Variants in TOGARAM1 observed in about 807,000 individuals in gnomAD.
TOGARAM1 encodes TOG array regulator of axonemal microtubules 1, also known as TOG array regulator of axonemal microtubules protein 1.
In TOGARAM1, 100 loss-of-function variants were observed where a neutral mutation model predicts 166.6. The observed-to-expected ratio is 0.60, with a 90% confidence interval of 0.51 to 0.71. TOGARAM1 has a LOEUF of 0.71. Among genes scored for constraint, TOGARAM1 ranks in the 30% least tolerant of loss-of-function variants. The pLI, the probability that TOGARAM1 is intolerant of heterozygous loss-of-function variation, is 0.00. For synonymous variants in TOGARAM1, 758 were observed against 763.8 expected (o/e 0.99, Z 0.13); for missense variants, 2,029 against 2,102.7 (o/e 0.96, Z 0.69).
At chr14:44,983,345 A>G (rs1207804141) in intron 1 of TOGARAM1, among the ~76,000 whole-genome samples, 3 of 152,244 alleles carry the variant, frequency 2.0e-5, no homozygotes, top group African/African-American at 4.8e-5. Context: ...TTGAGGTAGC[A>G]GGAAAGGGTG....
intron 11 of TOGARAM1, among the ~76,000 whole-genome samples, chr14:45,041,504 C>G (rs928374266): frequency 6.6e-6 from 1 of 152,196 alleles, no homozygotes; most frequent in African/African-American, 2.4e-5. Flanking sequence ...GCTTCTAGAA[C>G]GTTGAATAAG....
intron 1 of TOGARAM1, among the ~76,000 whole-genome samples, chr14:44,994,668 C>T (rs1887331388): frequency 6.6e-6 from 1 of 152,180 alleles, no homozygotes; most frequent in African/African-American, 2.4e-5. Context: ...ATCCACCTGC[C>T]TCTGCCTTCC....
chr14:45,021,627 G>C (rs1349263131), intron 7 of TOGARAM1, among the ~76,000 whole-genome samples: 2 of 151,942 alleles, frequency 1.3e-5, no homozygotes, highest in Non-Finnish European at 2.9e-5. Flanking sequence ...CAGTAGCCAG[G>C]GTTTGACTCG....
chr14:44,994,859 T>G, intron 1 of TOGARAM1, among the ~76,000 whole-genome samples: 1 of 152,252 alleles, frequency 6.6e-6, no homozygotes, highest in East Asian at 1.9e-4. Context: ...TTTTGCCATT[T>G]GATAATTGGC....
chr14:45,074,225 A>G lies in TOGARAM1; in HGVS notation c.*664A>G, dbSNP rs1883507592. On this transcript the variant is annotated 3_prime_UTR_variant, in exon 20 of 20. Coordinates refer to ENST00000361462, the MANE Select transcript of TOGARAM1 (RefSeq NM_001308120.2). Reference sequence around the variant, plus strand: ...ACGTTTAAAAAACGTGTTGAATGTAACCCCCCTATTTTTGTGTGCAAACAC... The same window carrying G: ...ACGTTTAAAAAACGTGTTGAATGTAGCCCCCCTATTTTTGTGTGCAAACAC... 3 of 152,536 alleles carry G rather than the reference A, an allele frequency of 2.0e-5. No homozygotes were observed. The highest frequency in any genetic ancestry group is 2.0e-4 in the Admixed American group (3 of 15,268). 9.4% of individuals were successfully genotyped at this position (152,536 alleles called of 1,614,324 possible). A position where few individuals can be genotyped will look rare whatever the true frequency, so the allele number is the denominator to read the frequency against.
At chr14:45,011,843 A>T in intron 6 of TOGARAM1, 132 bp from the exon 7 acceptor site, 1 of 564,310 alleles carries the variant, frequency 1.8e-6, no homozygotes, top group African/African-American at 1.9e-5. Flanking sequence ...ATAGTTTTTC[A>T]AGTGTCATAC....
In TOGARAM1 at chr14:44,999,358, A is replaced by C; in HGVS notation, c.2204-5A>C. The C allele has an allele frequency of 6.5e-7, 1 of 1,548,494 alleles. No homozygotes were observed. Among genetic ancestry groups the C allele is most frequent in the African/African-American group, 1.4e-5 (1 of 73,092 alleles). On this transcript the variant is annotated splice_polypyrimidine_tract_variant and splice_region_variant and intron_variant, in intron 2 of 19. Coordinates refer to ENST00000361462, the MANE Select transcript of TOGARAM1 (RefSeq NM_001308120.2). ...TTATGTTTTCTCCCTTCCTTTCTTC[A>C]AAAGGTACTACTGGGACTCATCAAA... is the stretch of plus-strand genomic sequence containing the variant.
chr14:45,048,124 C>T (rs571871135), intron 14 of TOGARAM1, among the ~76,000 whole-genome samples: 8 of 148,848 alleles, frequency 5.4e-5, no homozygotes, highest in African/African-American at 1.7e-4. Context: ...GAGGCTGAGG[C>T]GGGCGGCTCA....
At chr14:44,972,803 C>T (rs1377200126) in intron 1 of TOGARAM1, among the ~76,000 whole-genome samples, 1 of 152,030 alleles carries the variant, frequency 6.6e-6, no homozygotes. Flanking sequence ...ATAGTAATTA[C>T]TCATTTAAGT....
chr14:44,979,253 A>G (rs758993334), intron 1 of TOGARAM1, among the ~76,000 whole-genome samples: 2 of 152,266 alleles, frequency 1.3e-5, no homozygotes, highest in Admixed American at 1.3e-4. Context: ...TAGACTGGGT[A>G]ATTTATAAAC....
rs760739679 is a variant in TOGARAM1, at chr14:44,995,839, T to C, written c.2140T>C (p.Ser714Pro). 1 of 1,610,472 alleles carries C rather than the reference T, an allele frequency of 6.2e-7. No homozygotes were observed. The highest frequency in any genetic ancestry group is 1.1e-5 in the South Asian group (1 of 90,012). The change falls in exon 2 of 20, where the codon TCA becomes CCA. Residue 714 changes from serine to proline, a missense_variant. Coordinates refer to ENST00000361462, the MANE Select transcript of TOGARAM1 (RefSeq NM_001308120.2). ...TTTATGTTTTAGCAGAAAAAGAGTA[T>C]CAAGAAACTTATTTCAGAATAGTCG... ...DDLCFSRKRV[S>P]RNLFQNSRDF...
At chr14:45,059,913 ATTT>A (rs1210596745) in intron 16 of TOGARAM1, among the ~76,000 whole-genome samples, 3 of 138,514 alleles carry the variant, frequency 2.2e-5, no homozygotes, top group Non-Finnish European at 1.6e-5. Context: ...TAGAAATGCA[ATTT>A]TTTTTTTTTT....
chr14:44,969,105 C>G (rs1885722176), intron 1 of TOGARAM1, among the ~76,000 whole-genome samples: 1 of 140,380 alleles, frequency 7.1e-6, no homozygotes, highest in Admixed American at 7.2e-5. Context: ...TCATTTCTTT[C>G]TTTCTTTCCT....
At chr14:44,990,739 A>G (rs1038548190) in intron 1 of TOGARAM1, among the ~76,000 whole-genome samples, 1 of 152,078 alleles carries the variant, frequency 6.6e-6, no homozygotes, top group Non-Finnish European at 1.5e-5. Context: ...TGGTTAGCTG[A>G]CGGCTACAGA....
intron 16 of TOGARAM1, among the ~76,000 whole-genome samples, chr14:45,060,349 G>A (rs963843359): frequency 1.3e-5 from 2 of 151,744 alleles, no homozygotes; most frequent in East Asian, 1.9e-4. Context: ...CTAAGTAGCC[G>A]GGACTACAGG....
intron 1 of TOGARAM1, among the ~76,000 whole-genome samples, chr14:44,994,674 C>T (rs1158528367): frequency 6.6e-6 from 1 of 152,182 alleles, no homozygotes; most frequent in Admixed American, 6.5e-5. Context: ...CTGCCTCTGC[C>T]TTCCAAAGTG....
rs577457573 is a variant in TOGARAM1 at position 44,964,203 on chromosome 14, ATCT to A, written c.1786_1788del (p.Ser596del). Reference sequence around the variant, plus strand: ...TTGTGGAATATGCAGTACTGATGCCATCTTCTGCCGGGGGTAGGTCAAACCATT... The same window carrying A: ...TTGTGGAATATGCAGTACTGATGCCATCTGCCGGGGGTAGGTCAAACCATT... On this transcript the variant is annotated inframe_deletion, in exon 1 of 20. Transcript: ENST00000361462. 3.6e-4 allele frequency: 576 copies of A among 1,614,196 alleles called. 13 individuals carry two copies. In the South Asian group the frequency reaches 6.0e-3, roughly 17 times the overall value.
intron 10 of TOGARAM1, among the ~76,000 whole-genome samples, chr14:45,029,192 A>G (rs748914822): frequency 6.6e-6 from 1 of 152,178 alleles, no homozygotes; most frequent in Non-Finnish European, 1.5e-5. Flanking sequence ...AACCCATTAA[A>G]TGTAGGTGTT....
rs767783497 is a variant in TOGARAM1 at position 44,963,307 on chromosome 14, A to T, written c.886A>T (p.Ile296Phe). 2 of 1,614,054 alleles carry T rather than the reference A, an allele frequency of 1.2e-6. No individual in the cohort carries two copies. The highest frequency in any genetic ancestry group is 2.2e-5 in the East Asian group (1 of 44,870). ...RLGQDRFQSY[I>F]SRLPSALRRH... ...TGGCCAAGACAGGTTTCAATCTTACATTTCTCGTCTGCCCTCTGCCCTGAG... is the reference window on the plus strand; with the variant it reads ...TGGCCAAGACAGGTTTCAATCTTACTTTTCTCGTCTGCCCTCTGCCCTGAG... Residue 296 changes from isoleucine (I) to phenylalanine (F), a missense_variant, in exon 1 of 20, where the codon ATT becomes TTT. Physicochemically the swap from Ile to Phe is conservative, Grantham distance 21 (BLOSUM62 0). Around this residue, in one of 2 missense-constraint regions of TOGARAM1, gnomAD observed 1,453 missense variants for 1,432.2 expected, o/e 1.01. Transcript: ENST00000361462.
Sources: gnomAD v4.1 joint callset for allele counts (sites outside exome capture counted in the v4.1 genomes callset) on GRCh38, gnomAD v4.1.1 for gene constraint, gnomAD v4.1.1 regional missense constraint, MANE v1.5 for transcripts, NCBI Gene and HGNC (gene_info 2026-07-23, HGNC 2026-07-21) for gene names.